Variants in USP45 observed in about 807,000 individuals in gnomAD.
USP45 encodes the protein ubiquitin specific peptidase 45, also known as ubiquitin carboxyl-terminal hydrolase 45.
USP45 carries 89 observed loss-of-function variants against 95.8 expected under a neutral mutation model. That is an observed-to-expected ratio of 0.93 (90% CI 0.78 to 1.11). USP45 has a LOEUF of 1.11. USP45 is among the 50% of genes least tolerant of loss of function. The probability of loss-of-function intolerance (pLI) is 0.00; values close to 1 mark genes in which losing one functional copy is unlikely to be tolerated. For missense variants in USP45, 898 were observed against 942.5 expected (o/e 0.95, Z 0.62); for synonymous variants, 281 against 316.2 (o/e 0.89, Z 1.18).
chr6:99,507,697 T>C (rs1160956266), intron 3 of USP45, among the ~76,000 whole-genome samples, 166 bp from the exon 4 acceptor site: 1 of 152,244 alleles, frequency 6.6e-6, no homozygotes, highest in Non-Finnish European at 1.5e-5. Context: ...ATTTAATTTC[T>C]TGCCAACAGG....
At position 99,487,454 on chromosome 6, in the gene USP45, C is replaced by T. The variant is rs577908454; in HGVS notation, c.714+746G>A. On this transcript the variant is annotated intron_variant, in intron 7 of 17. Transcript: ENST00000500704. ...AGGGGCTGCTCTTTTTTTCATCTTT[C>T]TCACTAGCTTAAAAATCTATCATCA... is the stretch of plus-strand genomic sequence containing the variant. 1.6e-4 allele frequency among the ~76,000 whole-genome samples: 24 copies of T among 151,990 alleles called. No individual in the cohort carries two copies. In the South Asian group the frequency reaches 3.9e-3, roughly 25 times the overall value.
intron 5 of USP45, among the ~76,000 whole-genome samples, chr6:99,499,058 G>C (rs1291943645): frequency 2.0e-5 from 3 of 152,070 alleles, no homozygotes; most frequent in African/African-American, 7.2e-5. Context: ...TTACAGGAGT[G>C]AGCCACCCAT....
chr6:99,469,076 T>C (rs1583180498), intron 9 of USP45, among the ~76,000 whole-genome samples: 1 of 152,186 alleles, frequency 6.6e-6, no homozygotes, highest in East Asian at 1.9e-4. Flanking sequence ...CTCTATGCTA[T>C]GTGGACTACC....
intron 16 of USP45, among the ~76,000 whole-genome samples, chr6:99,438,658 G>C (rs768326769): frequency 6.6e-6 from 1 of 152,146 alleles, no homozygotes; most frequent in African/African-American, 2.4e-5. Context: ...TGATATGACA[G>C]AATTATTAAA....
intron 1 of USP45, among the ~76,000 whole-genome samples, chr6:99,511,489 C>T (rs937925567): frequency 3.3e-5 from 5 of 151,842 alleles, no homozygotes; most frequent in Non-Finnish European, 4.4e-5. Context: ...ACTCTGATGG[C>T]CCAGGCTGGA....
At chr6:99,488,879 A>T (rs1583327962) in intron 5 of USP45, 59 bp from the exon 6 acceptor site, 1 of 1,235,868 alleles carries the variant, frequency 8.1e-7, no homozygotes, top group Non-Finnish European at 1.1e-6. Context: ...GTCACTTAAC[A>T]TAATTTATAT....
intron 2 of USP45, 84 bp downstream of exon 2, chr6:99,510,037 G>T: frequency 9.8e-7 from 1 of 1,016,546 alleles, no homozygotes; most frequent in Non-Finnish European, 1.5e-6. Context: ...TTGATCCTCA[G>T]CGTTCAAACC....
chr6:99,508,922 T>C lies in USP45; in HGVS notation c.101-140A>G, dbSNP rs554099978. On this transcript the variant is annotated intron_variant, in intron 2 of 17. Transcript: ENST00000500704. The stretch of plus-strand genomic sequence containing the variant: ...CACACAAAATAACTCAAAAGATATA[T>C]GCTATATAATTCCATTTATATAATG... 5.5e-5 allele frequency: 36 copies of C among 650,820 alleles called. 1 individual carries two copies. In the South Asian group the frequency reaches 7.3e-4, roughly 13 times the overall value. The allele number at this position is 650,820 out of a possible 1,614,324, so 40.3% of individuals were successfully genotyped here.
chr6:99,452,924 AG>A (rs1425709403), intron 13 of USP45, among the ~76,000 whole-genome samples: 1 of 152,184 alleles, frequency 6.6e-6, no homozygotes, highest in East Asian at 1.9e-4. Context: ...AACTATCACA[AG>A]AACAAAAAAC....
At chr6:99,499,444 C>A (rs1403918530) in intron 5 of USP45, among the ~76,000 whole-genome samples, 1 of 152,106 alleles carries the variant, frequency 6.6e-6, no homozygotes. Flanking sequence ...TATACGGAAG[C>A]CGCATACAAG....
rs910956271 is a variant in USP45, at chr6:99,509,283, C to T, written c.101-501G>A. Reference sequence around the variant, plus strand: ...AAATATACAAGGAGGTCTCATTCACCCTTCACTGAGCCTCCCCTGATGTTA... The same window carrying T: ...AAATATACAAGGAGGTCTCATTCACTCTTCACTGAGCCTCCCCTGATGTTA... On this transcript the variant is annotated intron_variant, in intron 2 of 17. Transcript: ENST00000500704. 5.3e-5 allele frequency among the ~76,000 whole-genome samples: 8 copies of T among 152,006 alleles called. No homozygotes were observed. In the East Asian group the frequency reaches 1.5e-3, roughly 29 times the overall value.
chr6:99,470,071 G>T (rs192843978), intron 9 of USP45, among the ~76,000 whole-genome samples: 425 of 152,254 alleles, frequency 2.8e-3, no homozygotes, highest in Non-Finnish European at 5.2e-3. Flanking sequence ...GGATCTCCCA[G>T]GAGCATGGTT....
At chr6:99,478,272 T>C (rs1180920817) in intron 8 of USP45, among the ~76,000 whole-genome samples, 1 of 140,502 alleles carries the variant, frequency 7.1e-6, no homozygotes, top group Non-Finnish European at 1.5e-5. Flanking sequence ...AAAAAAATCA[T>C]AGGATGATTT....
At chr6:99,458,966 T>C (rs1239933412) in intron 13 of USP45, among the ~76,000 whole-genome samples, 1 of 152,202 alleles carries the variant, frequency 6.6e-6, no homozygotes, top group Non-Finnish European at 1.5e-5. Context: ...TTGTTTTTGT[T>C]TTGAACAGCA....
At chr6:99,462,471 A>G (rs912974369) in intron 13 of USP45, 2 of 983,602 alleles carry the variant, frequency 2.0e-6, no homozygotes, top group South Asian at 4.7e-5. Flanking sequence ...TATTTTAATA[A>G]CCAGTGCTTT....
At chr6:99,485,312 T>C (rs1793616141) in intron 7 of USP45, among the ~76,000 whole-genome samples, 1 of 151,932 alleles carries the variant, frequency 6.6e-6, no homozygotes, top group African/African-American at 2.4e-5. Context: ...GCCACTGCAT[T>C]CCAGACTGGG....
intron 5 of USP45, among the ~76,000 whole-genome samples, chr6:99,500,010 A>C (rs1028052725): frequency 2.6e-5 from 4 of 152,226 alleles, no homozygotes; most frequent in African/African-American, 9.6e-5. Flanking sequence ...GCACCTTGGA[A>C]ATATAAAGTA....
At position 99,494,244 on chromosome 6, in the gene USP45, C is replaced by G. The variant is rs761177444; in HGVS notation, c.479-5424G>C. 8.7e-4 allele frequency among the ~76,000 whole-genome samples: 132 copies of G among 152,266 alleles called. 1 individual carries two copies. The highest frequency in any genetic ancestry group is 1.5e-4 in the Non-Finnish European group (10 of 68,016). On this transcript the variant is annotated intron_variant, in intron 5 of 17. Coordinates refer to ENST00000500704, the MANE Select transcript of USP45 (RefSeq NM_001346022.3). ...TACTCTACTTATCACTTCTATATTA[C>G]TAACACTGTCATCCTTTACATAAAA...
At chr6:99,467,979 A>G (rs758288199) in intron 10 of USP45, 1 of 352,424 alleles carries the variant, frequency 2.8e-6, no homozygotes, top group South Asian at 2.3e-5. Flanking sequence ...TATAAACCCT[A>G]TATAGTATTG....
Sources: allele counts gnomAD v4.1 joint callset (sites outside exome capture counted in the v4.1 genomes callset), GRCh38; gene constraint gnomAD v4.1.1; transcripts MANE v1.5; gene names NCBI Gene and HGNC (gene_info 2026-07-23, HGNC 2026-07-21).